Variants in SLC45A1 observed in about 807,000 individuals in gnomAD.
The protein encoded by SLC45A1 is proton-associated sugar transporter A.
Under a neutral mutation model 57.6 loss-of-function variants are expected in SLC45A1, and 28 were observed. The observed-to-expected ratio is 0.49, with a 90% CI of 0.36 to 0.67. SLC45A1 has a LOEUF of 0.67. Ranked by LOEUF, SLC45A1 falls within the 30% of genes least tolerant of loss-of-function variation. The probability of loss-of-function intolerance (pLI) is 0.00; values close to 1 mark genes in which losing one functional copy is unlikely to be tolerated. For synonymous variants in SLC45A1, 459 were observed against 471.5 expected (o/e 0.97, Z 0.34); for missense variants, 814 against 1,041.5 (o/e 0.78, Z 3.01).
Position 8,318,168 on chromosome 1 carries a change from C to G in SLC45A1, c.-43C>G, listed in dbSNP as rs542217083. On this transcript the variant is annotated 5_prime_UTR_variant, in exon 1 of 9. Coordinates refer to ENST00000471889, the MANE Select transcript of SLC45A1 (RefSeq NM_001080397.3). Reference sequence around the variant, plus strand: ...AGCAGCCCAGCGGGGACAGGGATGCCTGCCGTCTCCACCCACAGGTACCAC... The same window carrying G: ...AGCAGCCCAGCGGGGACAGGGATGCGTGCCGTCTCCACCCACAGGTACCAC... 4.0e-3 allele frequency: 1,764 copies of G among 445,114 alleles called. 11 individuals are homozygous for G. Among genetic ancestry groups the G allele is most frequent in the Non-Finnish European group, 2.5e-3 (604 of 242,908 alleles). The allele number at this position is 445,114 out of a possible 1,614,324, so 27.6% of individuals were successfully genotyped here. A position where few individuals can be genotyped will look rare whatever the true frequency, so the allele number is the denominator to read the frequency against.
chr1:8,330,912 A>G lies in SLC45A1; in HGVS notation c.1419A>G (p.Arg473=). The change falls in exon 5 of 9, where the codon AGA becomes AGG. Residue 473 remains arginine, a synonymous_variant. Coordinates refer to ENST00000471889, the MANE Select transcript of SLC45A1 (RefSeq NM_001080397.3). The surrounding 1 kb of genome is among the most constrained non-coding windows in gnomAD (Gnocchi z 8.4). ...GAGGGGGTCCCGAAACCAGCAGGAG[A>G]AGGAATGTGACCTTCAGTCAGCAGG... ...AGGGGPETSR[R]RNVTFSQQVA... 6.3e-7 allele frequency: 1 copy of G among 1,597,298 alleles called. No individual in the cohort carries two copies.
chr1:8,324,403 G>A lies in SLC45A1; in HGVS notation c.74G>A (p.Arg25Lys). The change falls in exon 2 of 9, where the codon AGG (arginine) becomes AAG (lysine). Residue 25 changes from arginine to lysine, a missense_variant. By Grantham distance (26) the Arg-to-Lys change is conservative. Transcript: ENST00000471889. ...FPSVAPQDFW[R>K]SQVTGYSGSV... ...AGCGTGGCCCCACAGGACTTCTGGA[G>A]GTCCCAGGTCACGGGCTACTCGGGG... The A allele has an allele frequency of 1.2e-6, 2 of 1,612,780 alleles. No homozygotes were observed. The highest frequency in any genetic ancestry group is 1.1e-5 in the South Asian group (1 of 91,080).
At position 8,324,482 on chromosome 1, in the gene SLC45A1, G is replaced by C. The variant is rs779227827; in HGVS notation, c.153G>C (p.Lys51Asn). Residue 51 changes from lysine (K) to asparagine (N), a missense_variant, in exon 2 of 9, where the codon AAG becomes AAC. Transcript: ENST00000471889. ...CCAACAACTTCAAACGACACCCCAA[G>C]AGGAGGAAGTGCATTCGTCCCTCCC... is the stretch of plus-strand genomic sequence containing the variant. ...HRANNFKRHP[K>N]RRKCIRPSPP... 1.2e-6 allele frequency: 2 copies of C among 1,612,524 alleles called. No individual in the cohort carries two copies. Among genetic ancestry groups the C allele is most frequent in the African/African-American group, 1.3e-5 (1 of 74,862 alleles).
chr1:8,332,367 A>C (rs1640440571), intron 5 of SLC45A1, among the ~76,000 whole-genome samples: 1 of 152,180 alleles, frequency 6.6e-6, no homozygotes, highest in Non-Finnish European at 1.5e-5. Flanking sequence ...TAAAAACAGG[A>C]ATCTCCAGGG....
rs1439031703 is a variant in SLC45A1, at chr1:8,325,734, A to G, written c.491-84A>G. ...TAAGTTTTAAAAATTCTTGAGTCCTAAAGATTCTAGACATAAGTCGTGAGC... is the reference window on the plus strand; with the variant it reads ...TAAGTTTTAAAAATTCTTGAGTCCTGAAGATTCTAGACATAAGTCGTGAGC... On this transcript the variant is annotated intron_variant, in intron 3 of 8. Coordinates refer to ENST00000471889, the MANE Select transcript of SLC45A1 (RefSeq NM_001080397.3). This position sits in a 1 kb window ranked among gnomAD's most constrained non-coding sequence, Gnocchi z 6.3. The G allele has an allele frequency of 6.2e-6, 8 of 1,297,874 alleles. No individual in the cohort carries two copies. The highest frequency in any genetic ancestry group is 1.3e-5 in the South Asian group (1 of 77,746). The allele number at this position is 1,297,874 out of a possible 1,614,324, so 80.4% of individuals were successfully genotyped here.
intron 1 of SLC45A1, among the ~76,000 whole-genome samples, chr1:8,318,746 G>A (rs576017188): frequency 1.3e-5 from 2 of 152,326 alleles, no homozygotes; most frequent in African/African-American, 4.8e-5. Context: ...TGACAGCCGT[G>A]CATGTTTTTC....
intron 8 of SLC45A1, among the ~76,000 whole-genome samples, chr1:8,342,098 TC>T (rs544994196): frequency 2.6e-4 from 40 of 151,776 alleles, no homozygotes; most frequent in Non-Finnish European, 4.9e-4. Flanking sequence ...TCCCAGCTAC[TC>T]TGGAGGCTGA....
rs541362882 is a variant in SLC45A1, at chr1:8,331,092, G to C, written c.1443+156G>C. ...CTTTGACCTAAAGAGAAAAGCCTTA[G>C]AGGCCAGGTGCGGTGGCTCAAGTTT... On this transcript the variant is annotated intron_variant, in intron 5 of 8. Coordinates refer to ENST00000471889, the MANE Select transcript of SLC45A1 (RefSeq NM_001080397.3). Among the ~76,000 whole-genome samples, 66 of 152,276 alleles carry C rather than the reference G, an allele frequency of 4.3e-4. 1 individual carries two copies. The Middle Eastern group carries it at 0.01, about 24-fold the overall frequency.
chr1:8,343,385 G>A lies in SLC45A1; in HGVS notation c.1981-362G>A, dbSNP rs1640891366. On this transcript the variant is annotated intron_variant, in intron 8 of 8. Coordinates refer to ENST00000471889, the MANE Select transcript of SLC45A1 (RefSeq NM_001080397.3). The surrounding 1 kb of genome is among the most constrained non-coding windows in gnomAD (Gnocchi z 7.7). ...GTGTAGGGCAGGTCCCATCCTGGAT[G>A]AAGGTGAAGGAGGGGATGGCAGGAG... Among the ~76,000 whole-genome samples, 1 of 152,216 alleles carries A rather than the reference G, an allele frequency of 6.6e-6. No individual in the cohort carries two copies. The highest frequency in any genetic ancestry group is 6.5e-5 in the Admixed American group (1 of 15,282).
chr1:8,342,051 CA>C (rs1640837963), intron 8 of SLC45A1, among the ~76,000 whole-genome samples: 1 of 150,434 alleles, frequency 6.6e-6, no homozygotes, highest in East Asian at 2.0e-4. Flanking sequence ...ACTAAAAATA[CA>C]AAAAATTAGC....
intron 8 of SLC45A1, among the ~76,000 whole-genome samples, chr1:8,342,325 G>A (rs543022163): frequency 8.5e-5 from 13 of 152,286 alleles, no homozygotes; most frequent in Middle Eastern, 6.8e-3. Context: ...GATGTGCACC[G>A]TTCGGCGGTT....
intron 4 of SLC45A1, among the ~76,000 whole-genome samples, chr1:8,329,487 A>G (rs1640303939): frequency 6.6e-6 from 1 of 152,240 alleles, no homozygotes; most frequent in African/African-American, 2.4e-5. Flanking sequence ...ATCGAAGCAC[A>G]GAGCCTGGCT....
rs1200420850 is a variant in SLC45A1 at position 8,330,523 on chromosome 1, C to T, written c.1030C>T (p.Leu344Phe). ...CAGCCCCATCTCGCCGCCCAGCCCC[C>T]TCACGCCCAAGTACGGCAGCTTCAT... ...FSSPISPPSPLTPKYGSFISR... is the reference protein window; with the variant it reads ...FSSPISPPSPFTPKYGSFISR... The change falls in exon 5 of 9, where the codon CTC (leucine) becomes TTC (phenylalanine). Residue 344 changes from leucine to phenylalanine, a missense_variant. By Grantham distance (22) the Leu-to-Phe change is conservative. Coordinates refer to ENST00000471889, the MANE Select transcript of SLC45A1 (RefSeq NM_001080397.3). The surrounding 1 kb of genome is among the most constrained non-coding windows in gnomAD (Gnocchi z 8.4). 12 of 1,613,374 alleles carry T rather than the reference C, an allele frequency of 7.4e-6. No homozygotes were observed. The highest frequency in any genetic ancestry group is 1.3e-5 in the African/African-American group (1 of 75,058).
rs1219756981 is a variant in SLC45A1, at chr1:8,326,548, A to T, written c.715+506A>T. On this transcript the variant is annotated intron_variant, in intron 4 of 8. Coordinates refer to ENST00000471889, the MANE Select transcript of SLC45A1 (RefSeq NM_001080397.3). This position sits in a 1 kb window ranked among gnomAD's most constrained non-coding sequence, Gnocchi z 5.5. ...AGCCTGAACGAAGCGTCACTGTCGC[A>T]TGCATTTTCTGCACAAGGCACATCC... 1.3e-5 allele frequency among the ~76,000 whole-genome samples: 2 copies of T among 152,208 alleles called. No homozygotes were observed. Among genetic ancestry groups the T allele is most frequent in the Non-Finnish European group, 2.9e-5 (2 of 68,030 alleles).
chr1:8,344,025 C>T lies in SLC45A1; in HGVS notation c.*12C>T, dbSNP rs775836642. On this transcript the variant is annotated 3_prime_UTR_variant, in exon 9 of 9. Transcript: ENST00000471889. Reference sequence around the variant, plus strand: ...TGCTGAACGTCTGACATCGCGGAGCCTCGACTCCGGACACGCGCCTGCACC... The same window carrying T: ...TGCTGAACGTCTGACATCGCGGAGCTTCGACTCCGGACACGCGCCTGCACC... The T allele has an allele frequency of 1.1e-5, 18 of 1,599,038 alleles. No individual in the cohort carries two copies. The highest frequency in any genetic ancestry group is 1.7e-4 in the Middle Eastern group (1 of 6,024).
intron 6 of SLC45A1, among the ~76,000 whole-genome samples, chr1:8,337,445 G>A (rs1325428893): frequency 6.6e-6 from 1 of 152,142 alleles, no homozygotes; most frequent in Non-Finnish European, 1.5e-5. Flanking sequence ...TTGAAATGGA[G>A]TCTCGCTCTG....
rs1441078410 is a variant in SLC45A1, at chr1:8,330,762, G to C, written c.1269G>C (p.Glu423Asp). ...RQDRGLLEGR[E>D]GALTSGCDGD... ...ACCGTGGACTTCTGGAGGGCAGAGAGGGTGCCCTGACCTCCGGCTGTGACG... is the reference window on the plus strand; with the variant it reads ...ACCGTGGACTTCTGGAGGGCAGAGACGGTGCCCTGACCTCCGGCTGTGACG... The change falls in exon 5 of 9, where the codon GAG becomes GAC. Residue 423 changes from glutamate to aspartate, a missense_variant. Physicochemically the swap from Glu to Asp is conservative, Grantham distance 45. Coordinates refer to ENST00000471889, the MANE Select transcript of SLC45A1 (RefSeq NM_001080397.3). This position sits in a 1 kb window ranked among gnomAD's most constrained non-coding sequence, Gnocchi z 8.4. The C allele has an allele frequency of 1.2e-6, 2 of 1,613,450 alleles. No individual in the cohort carries two copies. The highest frequency in any genetic ancestry group is 1.1e-5 in the South Asian group (1 of 91,084).
intron 1 of SLC45A1, among the ~76,000 whole-genome samples, chr1:8,322,575 T>A (rs570882389): frequency 6.6e-6 from 1 of 152,080 alleles, no homozygotes; most frequent in Non-Finnish European, 1.5e-5. Flanking sequence ...TGGATACAAA[T>A]CTGGAGTGAG....
intron 1 of SLC45A1, among the ~76,000 whole-genome samples, chr1:8,322,323 G>A (rs1165342136): frequency 0.4 from 25 of 62 alleles, 12 homozygotes; most frequent in Non-Finnish European, 0.9. Flanking sequence ...TGGATGGATG[G>A]ATGGATGGAT....
Sources: gnomAD v4.1 joint callset for allele counts (sites outside exome capture counted in the v4.1 genomes callset) on GRCh38, gnomAD v4.1.1 for gene constraint, Gnocchi (gnomAD v3.1) non-coding constraint, MANE v1.5 for transcripts, NCBI Gene and HGNC (gene_info 2026-07-23, HGNC 2026-07-21) for gene names.